Variants in AKAP12 observed in about 807,000 individuals in gnomAD.
AKAP12 encodes the protein A-kinase anchor protein 12.
A neutral mutation model predicts 79.9 loss-of-function variants in AKAP12; 32 were observed. The ratio of observed to expected loss-of-function variants is 0.40; its 90% confidence interval spans 0.30 to 0.54. AKAP12 has a LOEUF of 0.54. AKAP12 is among the 20% of genes least tolerant of loss of function. AKAP12 has a pLI of 0.48. For missense variants in AKAP12, 2,074 were observed against 2,177.0 expected, an observed-to-expected ratio of 0.95 and a Z score of 0.94; for synonymous variants, 808 against 857.0, an observed-to-expected ratio of 0.94 and a Z score of 1.00.
intron 3 of AKAP12, among the ~76,000 whole-genome samples, chr6:151,329,154 ACC>A (rs1726371590): frequency 6.6e-6 from 1 of 151,670 alleles, no homozygotes; most frequent in Admixed American, 6.6e-5. Flanking sequence ...TCACTCTGTC[ACC>A]CAGGCTGGAG....
chr6:151,302,756 T>G (rs1776889154), intron 2 of AKAP12, among the ~76,000 whole-genome samples: 1 of 152,202 alleles, frequency 6.6e-6, no homozygotes, highest in Non-Finnish European at 1.5e-5. Context: ...AAACTGTGTA[T>G]GTCAACAGTT....
At chr6:151,301,372 T>C (rs1183997067) in intron 2 of AKAP12, among the ~76,000 whole-genome samples, 1 of 152,202 alleles carries the variant, frequency 6.6e-6, no homozygotes, top group Non-Finnish European at 1.5e-5. Context: ...TTTAAGTGAA[T>C]GCTTGTGCCT....
intron 3 of AKAP12, among the ~76,000 whole-genome samples, chr6:151,318,166 A>T (rs1478145895): frequency 6.6e-6 from 1 of 152,110 alleles, no homozygotes; most frequent in African/African-American, 2.4e-5. Flanking sequence ...CTTCCCTTTC[A>T]CCATGTGAGG....
intron 2 of AKAP12, among the ~76,000 whole-genome samples, chr6:151,290,401 C>G (rs1352824465): frequency 2.6e-5 from 4 of 152,082 alleles, no homozygotes; most frequent in Non-Finnish European, 5.9e-5. Context: ...TCTCATTCTC[C>G]TAGCACATCC....
intron 2 of AKAP12, among the ~76,000 whole-genome samples, chr6:151,246,025 G>A (rs1797068658): frequency 1.3e-5 from 2 of 152,190 alleles, no homozygotes; most frequent in Non-Finnish European, 2.9e-5. Context: ...CCTTTTGTGG[G>A]TTGAAGCCCT....
intron 3 of AKAP12, among the ~76,000 whole-genome samples, chr6:151,315,316 C>A (rs1451566364): frequency 1.3e-5 from 2 of 152,200 alleles, no homozygotes; most frequent in Non-Finnish European, 2.9e-5. Context: ...GTCCCACTTT[C>A]TCTGGATGGT....
At chr6:151,335,233 C>T (rs1479862214) in intron 3 of AKAP12, among the ~76,000 whole-genome samples, 1 of 152,096 alleles carries the variant, frequency 6.6e-6, no homozygotes, top group East Asian at 1.9e-4. Context: ...TTTCCCTATT[C>T]TCTGTATTTT....
intron 3 of AKAP12, among the ~76,000 whole-genome samples, chr6:151,341,955 GAAAGGAAA>G (rs1777962571): frequency 6.6e-6 from 1 of 152,240 alleles, no homozygotes; most frequent in Non-Finnish European, 1.5e-5. Flanking sequence ...CCCAGCCCTA[GAAAGGAAA>G]GGCCTCGTTC....
intron 2 of AKAP12, among the ~76,000 whole-genome samples, chr6:151,291,473 T>G (rs1174577186): frequency 6.6e-6 from 1 of 152,176 alleles, no homozygotes; most frequent in Admixed American, 6.5e-5. Context: ...TACCATTGCC[T>G]GCCCCTTAGG....
intron 2 of AKAP12, among the ~76,000 whole-genome samples, chr6:151,291,950 A>G (rs1348797153): frequency 6.6e-6 from 1 of 152,218 alleles, no homozygotes; most frequent in Non-Finnish European, 1.5e-5. Context: ...AGGTTCTGGC[A>G]GTGGAACCCT....
chr6:151,354,200 T>G (rs1389897526), intron 4 of AKAP12, among the ~76,000 whole-genome samples: 9 of 151,702 alleles, frequency 5.9e-5, no homozygotes, highest in Non-Finnish European at 1.2e-4. Context: ...TGGGCTAATA[T>G]TAAACTGCCT....
intron 2 of AKAP12, among the ~76,000 whole-genome samples, chr6:151,268,087 A>T (rs1311480798): frequency 6.6e-6 from 1 of 151,902 alleles, no homozygotes; most frequent in Admixed American, 6.6e-5. Context: ...GGATCTAGGA[A>T]CCCTCACGGG....
chr6:151,316,043 T>G (rs914969986), intron 3 of AKAP12, among the ~76,000 whole-genome samples: 1 of 152,130 alleles, frequency 6.6e-6, no homozygotes, highest in Non-Finnish European at 1.5e-5. Flanking sequence ...AGATGAGATT[T>G]GGGTGGGGAC....
intron 2 of AKAP12, among the ~76,000 whole-genome samples, chr6:151,264,388 A>AAT (rs1797506299): frequency 6.8e-6 from 1 of 146,184 alleles, no homozygotes; most frequent in Non-Finnish European, 1.5e-5. Context: ...AAAAAAAAAA[A>AAT]GCTTGGGCAT....
intron 3 of AKAP12, among the ~76,000 whole-genome samples, chr6:151,329,076 A>G (rs1777606258): frequency 6.6e-6 from 1 of 152,038 alleles, no homozygotes; most frequent in African/African-American, 2.4e-5. Flanking sequence ...CACGATGATC[A>G]TCCCCTTCCC....
chr6:151,273,739 A>T (rs1776236144), intron 2 of AKAP12, among the ~76,000 whole-genome samples: 1 of 152,132 alleles, frequency 6.6e-6, no homozygotes, highest in African/African-American at 2.4e-5. Context: ...TAGTTAAAAG[A>T]ATGAGGCCAG....
chr6:151,343,889 C>G (rs776879329), intron 3 of AKAP12: 1 of 434,178 alleles, frequency 2.3e-6, no homozygotes, highest in Non-Finnish European at 4.3e-6. Flanking sequence ...ATAATAGGAA[C>G]AAATAGAAAC....
intron 2 of AKAP12, among the ~76,000 whole-genome samples, chr6:151,300,400 C>G (rs1307389026): frequency 5.3e-5 from 8 of 152,140 alleles, no homozygotes; most frequent in African/African-American, 1.9e-4. Context: ...CCCGGTCGTC[C>G]AATGAGGATG....
In AKAP12 at chr6:151,352,306, A is replaced by T; in HGVS notation, c.3915A>T (p.Lys1305Asn). 6.2e-7 allele frequency: 1 copy of T among 1,614,182 alleles called. No individual in the cohort carries two copies. The highest frequency in any genetic ancestry group is 8.5e-7 in the Non-Finnish European group (1 of 1,180,034). ...AAAAGGTCACTGAAGTTGCCCTTAA[A>T]GGTGAAGGGACAGAAGAAGCTGAAT... is the stretch of plus-strand genomic sequence containing the variant. Reference protein sequence around the residue: ...SREKVTEVALKGEGTEEAECK... With the variant: ...SREKVTEVALNGEGTEEAECK... The change falls in exon 4 of 5, where the codon AAA (lysine) becomes AAT (asparagine). Residue 1305 changes from lysine (K) to asparagine (N), a missense_variant. Physicochemically the swap from Lys to Asn is moderately conservative, Grantham distance 94 (BLOSUM62 0). Coordinates refer to ENST00000402676, the MANE Select transcript of AKAP12 (RefSeq NM_005100.4).
Sources: gnomAD v4.1 joint callset for allele counts (sites outside exome capture counted in the v4.1 genomes callset) on GRCh38, gnomAD v4.1.1 for gene constraint, MANE v1.5 for transcripts, NCBI Gene and HGNC (gene_info 2026-07-23, HGNC 2026-07-21) for gene names.